The following PTPRD variants were observed in gnomAD, a reference collection of about 807,000 sequenced individuals.
PTPRD encodes protein tyrosine phosphatase receptor type D.
PTPRD carries 34 observed loss-of-function variants against 214.5 expected under a neutral mutation model. The ratio of observed to expected loss-of-function variants is 0.16; its 90% CI spans 0.12 to 0.21. The LOEUF is 0.21. PTPRD is among the 10% of genes least tolerant of loss of function. The pLI is 1.00. For synonymous variants in PTPRD, 1,128 were observed against 845.7 expected, an observed-to-expected ratio of 1.33 and a Z score of -5.79; for missense variants, 2,545 against 2,398.7, an observed-to-expected ratio of 1.06 and a Z score of -1.27.
At chr9:9,911,129 C>G (rs2079067502) in intron 5 of PTPRD, among the ~76,000 whole-genome samples, 1 of 152,010 alleles carries the variant, frequency 6.6e-6, no homozygotes, top group African/African-American at 2.4e-5. Flanking sequence ...TAATATACAT[C>G]AGCCCCATCC....
At chr9:8,916,765 A>G (rs2154265736) in intron 11 of PTPRD, among the ~76,000 whole-genome samples, 1 of 152,296 alleles carries the variant, frequency 6.6e-6, no homozygotes, top group East Asian at 1.9e-4. Flanking sequence ...ACCATTCACA[A>G]CTCATGACTT....
chr9:8,894,387 C>CTCCATCTCAAAAAAAAAAAAAAAAAA (rs1448525175), intron 11 of PTPRD, among the ~76,000 whole-genome samples: 1 of 105,224 alleles, frequency 9.5e-6, no homozygotes, highest in Non-Finnish European at 2.5e-5. Flanking sequence ...TCTGCAACTG[C>CTCCATCTCAAAAAAAAAAAAAAAAAA]ATGCGACTGT....
intron 39 of PTPRD, among the ~76,000 whole-genome samples, chr9:8,348,932 C>G (rs927397329): frequency 5.3e-5 from 8 of 152,172 alleles, no homozygotes; most frequent in South Asian, 4.1e-4. Flanking sequence ...GGTTATTATC[C>G]TTATGCCAGT....
rs190242855 is a variant in PTPRD, at chr9:8,323,704, C to T, written c.5535-3738G>A. On this transcript the variant is annotated intron_variant, in intron 44 of 45. Coordinates refer to ENST00000381196, the MANE Select transcript of PTPRD (RefSeq NM_002839.4). ...TGAATACATGAGGAGTTGTTCCTTACGGATGAGCAAAGAAAGTGGCTTCTC... is the reference window on the plus strand; with the variant it reads ...TGAATACATGAGGAGTTGTTCCTTATGGATGAGCAAAGAAAGTGGCTTCTC... Among the ~76,000 whole-genome samples the T allele has an allele frequency of 1.5e-3, 230 of 152,182 alleles. 1 individual carries two copies. The highest frequency in any genetic ancestry group is 4.8e-3 in the African/African-American group (200 of 41,522).
chr9:9,607,068 C>A (rs190599234), intron 7 of PTPRD, among the ~76,000 whole-genome samples: 40 of 149,200 alleles, frequency 2.7e-4, no homozygotes, highest in Admixed American at 2.1e-4. Flanking sequence ...TGGAAACTCC[C>A]CAACACAAAG....
intron 2 of PTPRD, among the ~76,000 whole-genome samples, chr9:10,496,312 A>G (rs1166843031): frequency 6.6e-6 from 1 of 152,006 alleles, no homozygotes; most frequent in Non-Finnish European, 1.5e-5. Context: ...GATATTCACT[A>G]CTAACACTCT....
At chr9:10,462,467 G>A (rs2098965894) in intron 2 of PTPRD, among the ~76,000 whole-genome samples, 1 of 152,152 alleles carries the variant, frequency 6.6e-6, no homozygotes, top group Admixed American at 6.5e-5. Flanking sequence ...AGTGGTAGAA[G>A]CAGTACCGGA....
intron 10 of PTPRD, among the ~76,000 whole-genome samples, chr9:9,172,895 C>T (rs1261674816): frequency 6.6e-6 from 1 of 152,162 alleles, no homozygotes; most frequent in Non-Finnish European, 1.5e-5. Flanking sequence ...CTAAATGATT[C>T]TCTTAAAATA....
At chr9:10,606,475 G>A (rs1267989495) in intron 2 of PTPRD, among the ~76,000 whole-genome samples, 1 of 151,124 alleles carries the variant, frequency 6.6e-6, no homozygotes. Context: ...TTTCGTAAGT[G>A]GCCTACACTG....
chr9:9,935,227 C>A (rs1165669307), intron 5 of PTPRD, among the ~76,000 whole-genome samples: 3 of 151,824 alleles, frequency 2.0e-5, no homozygotes, highest in East Asian at 1.9e-4. Context: ...CTGGCCAGGG[C>A]AATCAGGCAG....
chr9:10,529,025 G>T (rs1030728640), intron 2 of PTPRD, among the ~76,000 whole-genome samples: 4 of 152,078 alleles, frequency 2.6e-5, no homozygotes, highest in Non-Finnish European at 5.9e-5. Context: ...GAAGCTCCTA[G>T]TTTAGTTTCT....
chr9:8,676,161 A>G lies in PTPRD; in HGVS notation c.65-39317T>C, dbSNP rs183353377. ...ACTGTTGCCTGGCATGTAAATCTCC[A>G]TGCATTTGTTTGCCTAGCTCACTTT... On this transcript the variant is annotated intron_variant, in intron 12 of 45. Coordinates refer to ENST00000381196, the MANE Select transcript of PTPRD (RefSeq NM_002839.4). 1.4e-3 allele frequency among the ~76,000 whole-genome samples: 213 copies of G among 152,244 alleles called. 1 individual carries two copies. The highest frequency in any genetic ancestry group is 1.6e-3 in the Admixed American group (25 of 15,298).
At chr9:8,766,994 T>C (rs76024635) in intron 11 of PTPRD, among the ~76,000 whole-genome samples, 14 of 152,192 alleles carry the variant, frequency 9.2e-5, no homozygotes, top group Admixed American at 8.5e-4. Context: ...TCCTTTCAAC[T>C]CTGGTATGCT....
intron 7 of PTPRD, among the ~76,000 whole-genome samples, chr9:9,697,930 T>C (rs2097413152): frequency 6.6e-6 from 1 of 152,206 alleles, no homozygotes; most frequent in Non-Finnish European, 1.5e-5. Context: ...CATTCTGCTA[T>C]TGAGAGACTT....
chr9:9,962,222 G>C (rs903867274), intron 4 of PTPRD, among the ~76,000 whole-genome samples: 4 of 151,944 alleles, frequency 2.6e-5, no homozygotes, highest in African/African-American at 9.7e-5. Context: ...ATTTATGACT[G>C]GTCAAGTTAT....
rs551346219 is a variant in PTPRD, at chr9:10,160,623, T to C, written c.-544-126833A>G. On this transcript the variant is annotated intron_variant, in intron 3 of 45. Coordinates refer to ENST00000381196, the MANE Select transcript of PTPRD (RefSeq NM_002839.4). ...AAGCCAAGCCCACAGCTAACCATTA[T>C]ACTAAATAGGAAAATAATGAAATCC... 1.6e-4 allele frequency among the ~76,000 whole-genome samples: 24 copies of C among 152,110 alleles called. 1 individual carries two copies. The South Asian group carries it at 4.8e-3, about 30-fold the overall frequency.
intron 10 of PTPRD, among the ~76,000 whole-genome samples, chr9:9,180,355 C>A (rs368463294): frequency 6.7e-6 from 1 of 149,628 alleles, no homozygotes; most frequent in African/African-American, 2.5e-5. Flanking sequence ...GGACAAAAAA[C>A]CAAATACCGC....
chr9:10,396,533 C>G (rs976490585), intron 2 of PTPRD, among the ~76,000 whole-genome samples: 13 of 151,946 alleles, frequency 8.6e-5, no homozygotes, highest in Non-Finnish European at 1.5e-4. Flanking sequence ...TCAAAACTAG[C>G]TTTAATCCTA....
chr9:9,472,424 C>T (rs2094682365), intron 8 of PTPRD, among the ~76,000 whole-genome samples: 1 of 151,704 alleles, frequency 6.6e-6, no homozygotes, highest in Non-Finnish European at 1.5e-5. Flanking sequence ...AGGATGGTCT[C>T]GATCTCCTGA....
Sources: allele counts gnomAD v4.1 joint callset (sites outside exome capture counted in the v4.1 genomes callset), GRCh38; gene constraint gnomAD v4.1.1; transcripts MANE v1.5; gene names NCBI Gene and HGNC (gene_info 2026-07-23, HGNC 2026-07-21).